PDE1C: variants seen among roughly 807,000 people sequenced by gnomAD.
PDE1C encodes the protein phosphodiesterase 1C, also known as dual specificity calcium/calmodulin-dependent 3',5'-cyclic nucleotide phosphodiesterase 1C.
In PDE1C, 62 loss-of-function variants were observed where a neutral mutation model predicts 93.1. The ratio of observed to expected loss-of-function variants is 0.67; its 90% CI spans 0.54 to 0.82. The LOEUF (loss-of-function observed/expected upper bound fraction) is 0.82. PDE1C is among the 40% of genes least tolerant of loss of function. The probability of loss-of-function intolerance (pLI) is 0.00; values close to 1 mark genes in which losing one functional copy is unlikely to be tolerated. For synonymous variants in PDE1C, 325 were observed against 310.1 expected, an observed-to-expected ratio of 1.05 and a Z score of -0.50; for missense variants, 742 against 884.6, an observed-to-expected ratio of 0.84 and a Z score of 2.04.
intron 2 of PDE1C, among the ~76,000 whole-genome samples, chr7:32,197,018 G>T (rs1317967359): frequency 6.6e-6 from 1 of 152,018 alleles, no homozygotes; most frequent in East Asian, 1.9e-4. Context: ...AACACTTTAG[G>T]GGTTTCTATT....
chr7:31,987,956 TCTCTGGCC>T (rs1783636723), intron 2 of PDE1C, among the ~76,000 whole-genome samples: 1 of 152,196 alleles, frequency 6.6e-6, no homozygotes, highest in African/African-American at 2.4e-5. Flanking sequence ...CATCGCTGGC[TCTCTGGCC>T]CTCTGGCTTC....
chr7:32,220,590 C>A (rs906141759), intron 1 of PDE1C, among the ~76,000 whole-genome samples: 2 of 151,838 alleles, frequency 1.3e-5, no homozygotes, highest in Non-Finnish European at 2.9e-5. Flanking sequence ...CCGAGGCGGG[C>A]GGATCACGAG....
chr7:32,412,512 A>G (rs1007485000), intron 1 of PDE1C, among the ~76,000 whole-genome samples: 10 of 152,022 alleles, frequency 6.6e-5, no homozygotes, highest in African/African-American at 1.9e-4. Context: ...GTTGTTTATT[A>G]TCATTATCAA....
At chr7:31,639,091 C>T in the PDE1C span, among the ~76,000 whole-genome samples, 1 of 152,072 alleles carries the variant, frequency 6.6e-6, no homozygotes, top group Non-Finnish European at 1.5e-5. Flanking sequence ...ATTTGATTTT[C>T]ATGTGCCTTG....
At chr7:32,059,399 A>G (rs994897841) in intron 1 of PDE1C, among the ~76,000 whole-genome samples, 1 of 152,174 alleles carries the variant, frequency 6.6e-6, no homozygotes, top group Non-Finnish European at 1.5e-5. Flanking sequence ...ACTCCAAACT[A>G]AACAACCCCA....
At chr7:31,642,107 G>A in the PDE1C span, 1 of 1,069,842 alleles carries the variant, frequency 9.3e-7, no homozygotes, top group East Asian at 2.7e-5. Context: ...GCACCTAGAG[G>A]GGTTGATCCA....
intron 3 of PDE1C, among the ~76,000 whole-genome samples, chr7:32,133,480 C>A (rs1440440884): frequency 2.6e-5 from 4 of 152,096 alleles, no homozygotes; most frequent in Admixed American, 2.6e-4. Context: ...GCTGAAGGAA[C>A]CAGGGGAAAA....
At chr7:31,796,717 T>A (rs982691769) in intron 16 of PDE1C, among the ~76,000 whole-genome samples, 1 of 151,654 alleles carries the variant, frequency 6.6e-6, no homozygotes, top group Non-Finnish European at 1.5e-5. Flanking sequence ...GTTAATAGAT[T>A]TTCCCCAAAT....
the PDE1C span, among the ~76,000 whole-genome samples, chr7:31,722,357 A>G: frequency 6.6e-6 from 1 of 152,234 alleles, no homozygotes; most frequent in African/African-American, 2.4e-5. Flanking sequence ...TATAAAATGT[A>G]ATAGCAACAT....
chr7:32,290,301 GTGGCTGGTGGAGGGT>G (rs1812254040), intron 1 of PDE1C, among the ~76,000 whole-genome samples: 1 of 152,220 alleles, frequency 6.6e-6, no homozygotes, highest in Non-Finnish European at 1.5e-5. Flanking sequence ...TGCTACATAA[GTGGCTGGTGGAGGGT>G]TGGCAGAGGC....
chr7:31,620,690 A>C, the PDE1C span, among the ~76,000 whole-genome samples: 4 of 151,884 alleles, frequency 2.6e-5, no homozygotes, highest in Non-Finnish European at 5.9e-5. Flanking sequence ...GGAAACTCTA[A>C]AAAGCAGAGC....
intron 1 of PDE1C, among the ~76,000 whole-genome samples, chr7:32,259,420 C>T (rs116354369): frequency 1.1e-4 from 17 of 152,106 alleles, no homozygotes; most frequent in Non-Finnish European, 2.4e-4. Context: ...CTCAGGGCCC[C>T]GGCAAGTCTC....
At chr7:32,152,526 T>C (rs1041693091) in intron 3 of PDE1C, among the ~76,000 whole-genome samples, 1 of 152,196 alleles carries the variant, frequency 6.6e-6, no homozygotes, top group Admixed American at 6.5e-5. Flanking sequence ...TCCAGGCTGA[T>C]GGGAATTGCT....
At chr7:32,149,892 A>G (rs1801132471) in intron 3 of PDE1C, among the ~76,000 whole-genome samples, 1 of 151,950 alleles carries the variant, frequency 6.6e-6, no homozygotes, top group Non-Finnish European at 1.5e-5. Context: ...CCCCCACTCC[A>G]CCCCCATTGT....
At chr7:31,914,045 T>TA (rs781015128) in intron 2 of PDE1C, among the ~76,000 whole-genome samples, 34 of 151,902 alleles carry the variant, frequency 2.2e-4, no homozygotes, top group South Asian at 1.5e-3. Context: ...AGGTCCAAGG[T>TA]AAAAAAAGGG....
chr7:32,229,052 G>A (rs1435279014), intron 1 of PDE1C, among the ~76,000 whole-genome samples: 2 of 152,212 alleles, frequency 1.3e-5, no homozygotes, highest in Non-Finnish European at 2.9e-5. Flanking sequence ...CTCTAATGAG[G>A]ACATTAGACT....
chr7:32,152,605 C>T (rs930124953), intron 3 of PDE1C, among the ~76,000 whole-genome samples: 1 of 152,174 alleles, frequency 6.6e-6, no homozygotes, highest in African/African-American at 2.4e-5. Flanking sequence ...TGGAGATGCC[C>T]TTCGACCCAG....
chr7:31,754,004 C>T (rs1009789322), intron 17 of PDE1C, among the ~76,000 whole-genome samples: 5 of 152,114 alleles, frequency 3.3e-5, no homozygotes, highest in Non-Finnish European at 7.4e-5. Context: ...ATTTATAAAA[C>T]ACATATAAAG....
At chr7:31,903,851 T>G (rs1041393919) in intron 2 of PDE1C, among the ~76,000 whole-genome samples, 1 of 152,132 alleles carries the variant, frequency 6.6e-6, no homozygotes, top group Non-Finnish European at 1.5e-5. Context: ...GAAATTACAT[T>G]TGCAACTTTA....
Sources: gnomAD v4.1 joint callset for allele counts (sites outside exome capture counted in the v4.1 genomes callset) on GRCh38, gnomAD v4.1.1 for gene constraint, MANE v1.5 for transcripts, NCBI Gene and HGNC (gene_info 2026-07-23, HGNC 2026-07-21) for gene names.